Variants in PPM1E observed in about 807,000 individuals in gnomAD.
The protein encoded by PPM1E is protein phosphatase, Mg2+/Mn2+ dependent 1E.
Under a neutral mutation model 65.9 loss-of-function variants are expected in PPM1E, and 20 were observed. That is an observed-to-expected ratio of 0.30 (90% confidence interval 0.21 to 0.44). The LOEUF (loss-of-function observed/expected upper bound fraction) is 0.44, where lower values mean the gene tolerates loss of function less well. Ranked by LOEUF, PPM1E falls within the 20% of genes least tolerant of loss-of-function variation. The pLI, the probability that PPM1E is intolerant of heterozygous loss-of-function variation, is 1.00. For synonymous variants in PPM1E, 352 were observed against 374.9 expected, an observed-to-expected ratio of 0.94 and a Z score of 0.70; for missense variants, 713 against 953.1, an observed-to-expected ratio of 0.75 and a Z score of 3.32.
At chr17:58,758,661 C>T (rs536953341) in intron 1 of PPM1E, among the ~76,000 whole-genome samples, 1 of 152,076 alleles carries the variant, frequency 6.6e-6, no homozygotes, top group African/African-American at 2.4e-5. Flanking sequence ...GAAAATATTT[C>T]CGCTTAAATC....
At chr17:58,820,076 G>A (rs904469480) in intron 1 of PPM1E, among the ~76,000 whole-genome samples, 2 of 151,904 alleles carry the variant, frequency 1.3e-5, no homozygotes, top group African/African-American at 4.8e-5. Context: ...AATAAATAAA[G>A]GACATGTCTT....
chr17:58,927,195 C>T (rs888658244), intron 1 of PPM1E, among the ~76,000 whole-genome samples: 61 of 146,808 alleles, frequency 4.2e-4, no homozygotes, highest in African/African-American at 1.4e-3. Flanking sequence ...GGCTCGGTCT[C>T]GGCTCACTGC....
intron 1 of PPM1E, among the ~76,000 whole-genome samples, chr17:58,845,611 A>G (rs908706089): frequency 6.6e-6 from 1 of 152,230 alleles, no homozygotes; most frequent in Middle Eastern, 3.4e-3. Flanking sequence ...TTTGTGACCA[A>G]TTTATTTCAG....
intron 1 of PPM1E, chr17:58,897,938 G>A (rs2051443898): frequency 6.6e-6 from 1 of 152,240 alleles, no homozygotes; most frequent in Non-Finnish European, 1.5e-5. Context: ...AACATAGCAA[G>A]ACCTTGTCTC....
At chr17:58,875,356 T>C (rs1163215409) in intron 1 of PPM1E, among the ~76,000 whole-genome samples, 4 of 152,158 alleles carry the variant, frequency 2.6e-5, no homozygotes, top group African/African-American at 9.6e-5. Context: ...GTGTAAAAAA[T>C]GAGTCAGAGG....
intron 1 of PPM1E, among the ~76,000 whole-genome samples, chr17:58,825,665 C>T (rs1398686162): frequency 6.6e-6 from 1 of 151,902 alleles, no homozygotes; most frequent in Non-Finnish European, 1.5e-5. Flanking sequence ...CAAGCCCAGC[C>T]TCAGTCTGAT....
At chr17:58,874,986 A>G (rs757631971) in intron 1 of PPM1E, among the ~76,000 whole-genome samples, 7 of 152,088 alleles carry the variant, frequency 4.6e-5, no homozygotes, top group Admixed American at 1.3e-4. Context: ...TTCTTCCTGT[A>G]AGAGGCAACC....
At chr17:58,962,223 G>A (rs1401906502) in intron 2 of PPM1E, among the ~76,000 whole-genome samples, 1 of 151,492 alleles carries the variant, frequency 6.6e-6, no homozygotes, top group Non-Finnish European at 1.5e-5. Context: ...GGCGGAGGTT[G>A]TGGTGAGCCG....
chr17:58,794,401 G>A, intron 1 of PPM1E, among the ~76,000 whole-genome samples: 1 of 151,992 alleles, frequency 6.6e-6, no homozygotes, highest in East Asian at 1.9e-4. Flanking sequence ...TTTATTTTTT[G>A]AAGTATTTTA....
intron 1 of PPM1E, among the ~76,000 whole-genome samples, chr17:58,937,912 A>G (rs1263821668): frequency 1.3e-5 from 2 of 149,696 alleles, no homozygotes; most frequent in Non-Finnish European, 2.9e-5. Context: ...AAGAAAAGAA[A>G]GAAAGAAAAC....
chr17:58,868,382 T>G lies in PPM1E; in HGVS notation c.465-87267T>G, dbSNP rs1421400871. On this transcript the variant is annotated intron_variant, in intron 1 of 6. Transcript: ENST00000308249. ...AACAATATTTTTCAAAAAAAAATTTTTTTTAATTTTTAAAGAGCTTGGTTT... is the reference window on the plus strand; with the variant it reads ...AACAATATTTTTCAAAAAAAAATTTGTTTTAATTTTTAAAGAGCTTGGTTT... Among the ~76,000 whole-genome samples, 2 of 152,134 alleles carry G rather than the reference T, an allele frequency of 1.3e-5. 1 individual carries two copies. The highest frequency in any genetic ancestry group is 3.9e-4 in the East Asian group (2 of 5,188).
At chr17:58,907,200 C>T (rs959992992) in intron 1 of PPM1E, among the ~76,000 whole-genome samples, 6 of 151,544 alleles carry the variant, frequency 4.0e-5, no homozygotes, top group Admixed American at 2.0e-4. Flanking sequence ...GAGCCAGGAT[C>T]GCGCCACCGT....
chr17:58,824,343 G>T (rs572691269), intron 1 of PPM1E, among the ~76,000 whole-genome samples: 1 of 152,170 alleles, frequency 6.6e-6, no homozygotes, highest in South Asian at 2.1e-4. Flanking sequence ...CATAGGCACA[G>T]ATCCTATCTG....
At chr17:58,841,698 G>T (rs1005097489) in intron 1 of PPM1E, among the ~76,000 whole-genome samples, 1 of 150,920 alleles carries the variant, frequency 6.6e-6, no homozygotes, top group Non-Finnish European at 1.5e-5. Context: ...GCTAATTTTT[G>T]TGGGTTTTTT....
chr17:58,891,473 C>T (rs2143431908), intron 1 of PPM1E, among the ~76,000 whole-genome samples: 1 of 152,192 alleles, frequency 6.6e-6, no homozygotes, highest in South Asian at 2.1e-4. Context: ...CAGGTGCATG[C>T]CACCATGCCC....
At position 58,756,129 on chromosome 17, in the gene PPM1E, G is replaced by C. The variant is rs59676153; in HGVS notation, c.132G>C (p.Glu44Asp). The C allele has an allele frequency of 2.8e-5, 21 of 755,686 alleles. No individual in the cohort carries two copies. The South Asian group carries it at 3.3e-4, about 12-fold the overall frequency. The allele number at this position is 755,686 out of a possible 1,614,324, so 46.8% of individuals were successfully genotyped here. A position where few individuals can be genotyped will look rare whatever the true frequency, so the allele number is the denominator to read the frequency against. The change falls in exon 1 of 7, where the codon GAG (glutamate) becomes GAC (aspartate). Residue 44 changes from glutamate to aspartate, a missense_variant. Glu to Asp is a conservative substitution (Grantham distance 45, BLOSUM62 2). Transcript: ENST00000308249. ...AACCCGAACCCGAACCCGAACCCGA[G>C]TCCGAGCCCGAGCCCGAACCTGAAC... Reference protein sequence around the residue: ...EPEPEPEPEPESEPEPEPELV... With the variant: ...EPEPEPEPEPDSEPEPEPELV...
chr17:58,761,905 T>C (rs2049824957), intron 1 of PPM1E, among the ~76,000 whole-genome samples: 1 of 152,244 alleles, frequency 6.6e-6, no homozygotes. Flanking sequence ...GAAAACATTA[T>C]CATCTGTTTA....
At chr17:58,911,501 A>G (rs1416266033) in intron 1 of PPM1E, among the ~76,000 whole-genome samples, 2 of 152,180 alleles carry the variant, frequency 1.3e-5, no homozygotes, top group Admixed American at 1.3e-4. Context: ...TGATTTCATC[A>G]TGATTTCAAA....
chr17:58,975,939 A>T (rs142493084), intron 6 of PPM1E, among the ~76,000 whole-genome samples: 1,774 of 152,316 alleles, frequency 0.012, 16 homozygotes, highest in Middle Eastern at 0.041. Context: ...GGGAAAACCT[A>T]CTAATCAACA....
Sources: allele counts gnomAD v4.1 joint callset (sites outside exome capture counted in the v4.1 genomes callset), GRCh38; gene constraint gnomAD v4.1.1; transcripts MANE v1.5; gene names NCBI Gene and HGNC (gene_info 2026-07-23, HGNC 2026-07-21).